Variants in PAX9 observed in about 807,000 individuals in gnomAD.
The protein encoded by PAX9 is paired box protein Pax-9.
A neutral mutation model predicts 29.1 loss-of-function variants in PAX9; 6 were observed. The ratio of observed to expected loss-of-function variants is 0.21; its 90% CI spans 0.11 to 0.41. PAX9 has a LOEUF of 0.41. Among genes scored for constraint, PAX9 ranks in the 10% least tolerant of loss-of-function variants. The pLI, the probability that PAX9 is intolerant of heterozygous loss-of-function variation, is 1.00. For missense variants in PAX9, 443 were observed against 479.1 expected (o/e 0.92, Z 0.70); for synonymous variants, 217 against 211.7 (o/e 1.03, Z -0.22).
chr14:36,676,427 A>G lies in PAX9; in HGVS notation c.1001A>G (p.His334Arg), dbSNP rs1314150744. 1 of 1,613,812 alleles carries G rather than the reference A, an allele frequency of 6.2e-7. No homozygotes were observed. The highest frequency in any genetic ancestry group is 1.3e-5 in the African/African-American group (1 of 74,894). Reference sequence around the variant, plus strand: ...ATGCAGGCAGCCAGAGAAGGTAGTCATTCTGTCACGGCTTCCGCGCTCTGA... The same window carrying G: ...ATGCAGGCAGCCAGAGAAGGTAGTCGTTCTGTCACGGCTTCCGCGCTCTGA... ...KGMQAAREGSHSVTASAL is the reference protein window; with the variant it reads ...KGMQAAREGSRSVTASAL The change falls in exon 4 of 4, where the codon CAT becomes CGT. Residue 334 changes from histidine (H) to arginine (R), a missense_variant. Transcript: ENST00000361487.
In PAX9 at chr14:36,679,087, A is replaced by G; in HGVS notation, c.*2635A>G. The G allele has an allele frequency of 1.0e-6, 1 of 985,454 alleles. No homozygotes were observed. The highest frequency in any genetic ancestry group is 1.1e-4 in the East Asian group (1 of 8,820). 61.0% of individuals were successfully genotyped at this position (985,454 alleles called of 1,614,324 possible). Reference sequence around the variant, plus strand: ...ATGGAGAGGTTAAAGGTTCAATTTCATGACCTCTATGCAGGCAGCGCTCTC... The same window carrying G: ...ATGGAGAGGTTAAAGGTTCAATTTCGTGACCTCTATGCAGGCAGCGCTCTC... On this transcript the variant is annotated 3_prime_UTR_variant, in exon 4 of 4. Coordinates refer to ENST00000361487, the MANE Select transcript of PAX9 (RefSeq NM_001372076.1).
upstream of PAX9, among the ~76,000 whole-genome samples, chr14:36,661,488 C>G (rs565293280): frequency 6.6e-6 from 1 of 152,198 alleles, no homozygotes; most frequent in African/African-American, 2.4e-5. Context: ...TGCACGGTGG[C>G]GCCCGCCTCC....
Position 36,672,852 on chromosome 14 carries a change from C to CTTTTTTTTTTTTTTTTTTTT in PAX9, c.772-3335_772-3316dup, listed in dbSNP as rs3061562. 1.7e-3 allele frequency among the ~76,000 whole-genome samples: 33 copies of CTTTTTTTTTTTTTTTTTTTT among 19,156 alleles called. 12 individuals are homozygous for CTTTTTTTTTTTTTTTTTTTT. The highest frequency in any genetic ancestry group is 2.6e-3 in the Admixed American group (3 of 1,160). 12.6% of individuals were successfully genotyped at this position (19,156 alleles called of 152,430 possible). A position where few individuals can be genotyped will look rare whatever the true frequency, so the allele number is the denominator to read the frequency against. ...TTCTTTTTTCTTTCTTTCTTTCTTCCTTTTTTTTTTTTTTTTTTTTTTTTT... is the reference window on the plus strand; with the variant it reads ...TTCTTTTTTCTTTCTTTCTTTCTTCCTTTTTTTTTTTTTTTTTTTTTTTTTTTTTTTTTTTTTTTTTTTTT... On this transcript the variant is annotated intron_variant, in intron 3 of 3. Transcript: ENST00000361487.
In PAX9 at chr14:36,662,532, G is replaced by A. The variant is rs975901024; in HGVS notation, c.5-365G>A. 2.6e-4 allele frequency: 108 copies of A among 416,094 alleles called. 2 individuals are homozygous for A. The highest frequency in any genetic ancestry group is 2.0e-3 in the African/African-American group (101 of 50,144). 25.8% of individuals were successfully genotyped at this position (416,094 alleles called of 1,614,324 possible). A position where few individuals can be genotyped will look rare whatever the true frequency, so the allele number is the denominator to read the frequency against. On this transcript the variant is annotated intron_variant, in intron 1 of 3. Transcript: ENST00000361487. ...GAACGCTGGGGATGGGATGGGTGGA[G>A]AGAGGGAGCGGCTCAAGGACTTTAG...
chr14:36,666,259 T>C (rs550753872), intron 2 of PAX9: 71 of 624,780 alleles, frequency 1.1e-4, no homozygotes, highest in African/African-American at 8.1e-4. Context: ...AAAGGCCTAC[T>C]CTGAGGGGAG....
At chr14:36,671,020 A>G (rs1330038826) in intron 3 of PAX9, 2 of 426,896 alleles carry the variant, frequency 4.7e-6, no homozygotes, top group South Asian at 1.7e-5. Flanking sequence ...TGAGTTCACC[A>G]AAAAAGAGAA....
At chr14:36,658,937 C>A, upstream of PAX9, 1 of 152,564 alleles carries the variant, frequency 6.6e-6, no homozygotes, top group Non-Finnish European at 1.5e-5. Flanking sequence ...AAGGATCCGG[C>A]CAGCGCCGAG....
At chr14:36,665,904 T>A (rs1363372203) in intron 2 of PAX9, 1 of 154,642 alleles carries the variant, frequency 6.5e-6, no homozygotes, top group Admixed American at 6.3e-5. Context: ...ATCGTGGGAA[T>A]AATTTAGTTA....
At chr14:36,659,990 C>G (rs1484271784), upstream of PAX9, among the ~76,000 whole-genome samples, 1 of 152,132 alleles carries the variant, frequency 6.6e-6, no homozygotes, top group East Asian at 1.9e-4. Context: ...CAAATTTTCC[C>G]TGGGTGCACG....
At chr14:36,670,053 G>A (rs1230483293) in intron 3 of PAX9, among the ~76,000 whole-genome samples, 4 of 151,982 alleles carry the variant, frequency 2.6e-5, no homozygotes, top group Non-Finnish European at 5.9e-5. Context: ...CATAGGGACT[G>A]GAATACATTT....
rs1332791780 is a variant in PAX9 at position 36,678,356 on chromosome 14, G to A, written c.*1904G>A. 7.2e-5 allele frequency: 60 copies of A among 832,094 alleles called. 1 individual carries two copies. The highest frequency in any genetic ancestry group is 6.9e-4 in the East Asian group (26 of 37,532). The allele number at this position is 832,094 out of a possible 1,614,324, so 51.5% of individuals were successfully genotyped here. On this transcript the variant is annotated 3_prime_UTR_variant, in exon 4 of 4. Transcript: ENST00000361487. ...AACTGCATTTATTTCTAAAGCAACC[G>A]AAATTCAGTGCTACAAATAGAGGAT...
At chr14:36,665,964 T>G (rs1272155345) in intron 2 of PAX9, 1 of 160,774 alleles carries the variant, frequency 6.2e-6, no homozygotes, top group Non-Finnish European at 1.4e-5. Context: ...TTGACATAAG[T>G]ACCAGATCCC....
In PAX9 at chr14:36,679,181, T is replaced by C. The variant is rs1684; in HGVS notation, c.*2729T>C. Reference sequence around the variant, plus strand: ...GCAACAGAGACACATTCTTATTTCTTTTTTTTCACAATTTTGTTTTGTTTT... The same window carrying C: ...GCAACAGAGACACATTCTTATTTCTCTTTTTTCACAATTTTGTTTTGTTTT... On this transcript the variant is annotated 3_prime_UTR_variant, in exon 4 of 4. Transcript: ENST00000361487. The C allele has an allele frequency of 0.5, 496,544 of 984,228 alleles. 126,038 individuals are homozygous for C. The highest frequency in any genetic ancestry group is 0.61 in the Admixed American group (9,918 of 16,202). 61.0% of individuals were successfully genotyped at this position (984,228 alleles called of 1,614,324 possible).
intron 2 of PAX9, among the ~76,000 whole-genome samples, chr14:36,664,251 G>C (rs1881404377): frequency 6.6e-6 from 1 of 152,112 alleles, no homozygotes; most frequent in African/African-American, 2.4e-5. Flanking sequence ...TCTTAGGAAG[G>C]GAAGTGGCAT....
At chr14:36,665,547 T>A (rs909909180) in intron 2 of PAX9, among the ~76,000 whole-genome samples, 1 of 152,170 alleles carries the variant, frequency 6.6e-6, no homozygotes, top group African/African-American at 2.4e-5. Flanking sequence ...AAAATGCCAA[T>A]AATTCAATAT....
intron 1 of PAX9, 83 bp from the exon 2 acceptor site, chr14:36,662,814 C>T: frequency 6.5e-7 from 1 of 1,531,568 alleles, no homozygotes; most frequent in Admixed American, 1.7e-5. Context: ...GCCCAGTCCC[C>T]GGATGCGTAG....
At chr14:36,660,968 G>A (rs1279055427), upstream of PAX9, among the ~76,000 whole-genome samples, 2 of 152,248 alleles carry the variant, frequency 1.3e-5, no homozygotes, top group Admixed American at 1.3e-4. Flanking sequence ...TTGGGACTAA[G>A]TCTCTTTCAT....
rs1041977277 is a variant in PAX9, at chr14:36,662,102, C to A, written c.4+9C>A. 5.4e-6 allele frequency: 6 copies of A among 1,102,420 alleles called. No homozygotes were observed. Among genetic ancestry groups the A allele is most frequent in the African/African-American group, 2.0e-5 (1 of 50,722 alleles). 68.3% of individuals were successfully genotyped at this position (1,102,420 alleles called of 1,614,324 possible). A position where few individuals can be genotyped will look rare whatever the true frequency, so the allele number is the denominator to read the frequency against. On this transcript the variant is annotated intron_variant, in intron 1 of 3. Transcript: ENST00000361487. ...ACTGCTCGGAGCAATGGGTGAGTGGCGGCGGGGGACTCTGTCAGAGCCGGG... is the reference window on the plus strand; with the variant it reads ...ACTGCTCGGAGCAATGGGTGAGTGGAGGCGGGGGACTCTGTCAGAGCCGGG...
Position 36,679,076 on chromosome 14 carries a change from G to A in PAX9, c.*2624G>A. 5 of 985,372 alleles carry A rather than the reference G, an allele frequency of 5.1e-6. No homozygotes were observed. Among genetic ancestry groups the A allele is most frequent in the Non-Finnish European group, 4.8e-6 (4 of 829,926 alleles). The allele number at this position is 985,372 out of a possible 1,614,324, so 61.0% of individuals were successfully genotyped here. A position where few individuals can be genotyped will look rare whatever the true frequency, so the allele number is the denominator to read the frequency against. On this transcript the variant is annotated 3_prime_UTR_variant, in exon 4 of 4. Coordinates refer to ENST00000361487, the MANE Select transcript of PAX9 (RefSeq NM_001372076.1). ...ATCTGATCCACATGGAGAGGTTAAAGGTTCAATTTCATGACCTCTATGCAG... is the reference window on the plus strand; with the variant it reads ...ATCTGATCCACATGGAGAGGTTAAAAGTTCAATTTCATGACCTCTATGCAG...
Sources: gnomAD v4.1 joint callset for allele counts (sites outside exome capture counted in the v4.1 genomes callset) on GRCh38, gnomAD v4.1.1 for gene constraint, MANE v1.5 for transcripts, NCBI Gene and HGNC (gene_info 2026-07-23, HGNC 2026-07-21) for gene names.